CFAP20DC: variants seen among roughly 807,000 people sequenced by gnomAD.
CFAP20DC encodes protein CFAP20DC.
In CFAP20DC, 84 loss-of-function variants were observed where a neutral mutation model predicts 101.7. The observed-to-expected ratio is 0.83, with a 90% CI of 0.69 to 0.99. The LOEUF (loss-of-function observed/expected upper bound fraction) is 0.99. CFAP20DC is among the 50% of genes least tolerant of loss of function. The pLI, the probability that CFAP20DC is intolerant of heterozygous loss-of-function variation, is 0.00. For missense variants in CFAP20DC, 1,007 were observed against 970.3 expected (o/e 1.04, Z -0.50); for synonymous variants, 359 against 351.2 (o/e 1.02, Z -0.25).
intron 6 of CFAP20DC, among the ~76,000 whole-genome samples, chr3:58,890,591 G>A (rs1331495955): frequency 1.3e-5 from 2 of 151,642 alleles, no homozygotes; most frequent in Non-Finnish European, 2.9e-5. Context: ...CCTCCCGGAC[G>A]GGGTGGCTGC....
At chr3:58,886,693 T>C (rs1327612223) in intron 6 of CFAP20DC, among the ~76,000 whole-genome samples, 1 of 150,980 alleles carries the variant, frequency 6.6e-6, no homozygotes, top group African/African-American at 2.4e-5. Flanking sequence ...GCCTGGGAGA[T>C]GGAGAAAGAC....
At chr3:58,743,183 G>A (rs1159513574) in intron 16 of CFAP20DC, among the ~76,000 whole-genome samples, 2 of 151,686 alleles carry the variant, frequency 1.3e-5, no homozygotes, top group African/African-American at 4.8e-5. Context: ...GTTTTCTCTC[G>A]TGACAGCCAT....
chr3:58,779,596 T>A (rs1353255275), intron 15 of CFAP20DC, among the ~76,000 whole-genome samples: 3 of 152,052 alleles, frequency 2.0e-5, no homozygotes, highest in African/African-American at 7.2e-5. Flanking sequence ...ATCAACAGAC[T>A]AGATCGAGCA....
chr3:58,736,220 A>G (rs1001676670), intron 3 of CFAP20DC, among the ~76,000 whole-genome samples: 1 of 152,312 alleles, frequency 6.6e-6, no homozygotes, highest in African/African-American at 2.4e-5. Context: ...AGTAATATCA[A>G]TTTCTTTGGC....
chr3:59,018,798 A>C (rs2093742015), intron 4 of CFAP20DC: 1 of 152,128 alleles, frequency 6.6e-6, no homozygotes, highest in South Asian at 2.1e-4. Flanking sequence ...CATCAATGTT[A>C]AATGGTTTTG....
intron 4 of CFAP20DC, among the ~76,000 whole-genome samples, chr3:58,972,779 T>G (rs1197146589): frequency 6.6e-6 from 1 of 152,166 alleles, no homozygotes; most frequent in Non-Finnish European, 1.5e-5. Flanking sequence ...GCTAAAGTGT[T>G]TACACGAGTT....
At chr3:58,852,833 C>T (rs983183556) in intron 12 of CFAP20DC, among the ~76,000 whole-genome samples, 40 of 150,820 alleles carry the variant, frequency 2.7e-4, no homozygotes, top group African/African-American at 9.3e-4. Flanking sequence ...GCATTCAAAG[C>T]AGTGTGTAGA....
At chr3:58,996,279 A>G (rs2093131080) in intron 4 of CFAP20DC, among the ~76,000 whole-genome samples, 1 of 152,150 alleles carries the variant, frequency 6.6e-6, no homozygotes, top group Non-Finnish European at 1.5e-5. Flanking sequence ...TGGTAGCAAA[A>G]GAGAATGAGG....
At position 58,799,721 on chromosome 3, in the gene CFAP20DC, C is replaced by CTGTG. The variant is rs1431222745; in HGVS notation, c.2237+6670_2237+6673dup. 4.0e-4 allele frequency among the ~76,000 whole-genome samples: 54 copies of CTGTG among 134,652 alleles called. No individual in the cohort carries two copies. Among genetic ancestry groups the CTGTG allele is most frequent in the African/African-American group, 1.5e-3 (49 of 33,106 alleles). 88.3% of individuals were successfully genotyped at this position (134,652 alleles called of 152,430 possible). ...TCGAGAAGGAGCAGTGTGTGTGTGT[C>CTGTG]TGTGTGTGTGTCTGTGTGTGTGTGT... On this transcript the variant is annotated intron_variant, in intron 15 of 16. Transcript: ENST00000482387. This position sits in a 1 kb window ranked among gnomAD's most constrained non-coding sequence, Gnocchi z 4.9.
intron 12 of CFAP20DC, among the ~76,000 whole-genome samples, chr3:58,854,348 A>G (rs1334854488): frequency 8.7e-4 from 131 of 151,378 alleles, no homozygotes; most frequent in African/African-American, 3.1e-3. Context: ...ATACAAACAA[A>G]TGGAAGAACA....
At chr3:58,812,075 G>A (rs2074688765) in intron 14 of CFAP20DC, among the ~76,000 whole-genome samples, 1 of 152,076 alleles carries the variant, frequency 6.6e-6, no homozygotes, top group South Asian at 2.1e-4. Flanking sequence ...GAGAGGATGT[G>A]GAGAAATAGG....
At chr3:58,968,571 T>C (rs1193276826) in intron 4 of CFAP20DC, among the ~76,000 whole-genome samples, 3 of 152,190 alleles carry the variant, frequency 2.0e-5, no homozygotes, top group African/African-American at 7.2e-5. Flanking sequence ...TTTTCTCTTG[T>C]AAATTTGTTT....
At chr3:58,904,161 C>T (rs1045821171) in intron 6 of CFAP20DC, among the ~76,000 whole-genome samples, 7 of 152,024 alleles carry the variant, frequency 4.6e-5, no homozygotes, top group Admixed American at 3.9e-4. Context: ...CTTGCAGGAA[C>T]GTTTTGTAGT....
chr3:58,779,848 T>A (rs921391013), intron 15 of CFAP20DC, among the ~76,000 whole-genome samples: 2 of 152,080 alleles, frequency 1.3e-5, no homozygotes, highest in Non-Finnish European at 1.5e-5. Context: ...GATATCCAGA[T>A]ACAAGTTCAG....
At chr3:58,872,744 T>C (rs921350449) in intron 7 of CFAP20DC, among the ~76,000 whole-genome samples, 2 of 152,156 alleles carry the variant, frequency 1.3e-5, no homozygotes, top group Non-Finnish European at 2.9e-5. Flanking sequence ...ACAAGGGTTA[T>C]CTTTCTCTAA....
At chr3:58,812,496 A>C (rs1032953887) in intron 14 of CFAP20DC, among the ~76,000 whole-genome samples, 1 of 151,720 alleles carries the variant, frequency 6.6e-6, no homozygotes, top group African/African-American at 2.4e-5. Flanking sequence ...ATAGGTGGGA[A>C]ATGAACAATG....
Position 58,862,527 on chromosome 3 carries a change from G to A in CFAP20DC, c.1593+1031C>T, listed in dbSNP as rs548650131. 85 of 985,336 alleles carry A rather than the reference G, an allele frequency of 8.6e-5. 1 individual carries two copies. In the South Asian group the frequency reaches 3.3e-3, roughly 38 times the overall value. The allele number at this position is 985,336 out of a possible 1,614,324, so 61.0% of individuals were successfully genotyped here. On this transcript the variant is annotated intron_variant, in intron 12 of 16. Transcript: ENST00000482387. The stretch of plus-strand genomic sequence containing the variant: ...ATATTGTGAAAAGACGATCCTCTAC[G>A]CGCTTTGCTGAAGAAACTCATTAAA...
At chr3:58,808,344 C>A (rs1214790952) in intron 14 of CFAP20DC, among the ~76,000 whole-genome samples, 3 of 152,172 alleles carry the variant, frequency 2.0e-5, no homozygotes. Flanking sequence ...AAGGGAAGCC[C>A]ATCAGACTAA....
chr3:58,991,153 G>A lies in CFAP20DC; in HGVS notation c.278+48404C>T, dbSNP rs867642051. On this transcript the variant is annotated intron_variant, in intron 4 of 16. Transcript: ENST00000482387. The stretch of plus-strand genomic sequence containing the variant: ...TGAATCAGTATGTCTTTTTTCAAAG[G>A]AAAGCATTTACAATATTTTCTTTCC... 9.9e-5 allele frequency among the ~76,000 whole-genome samples: 15 copies of A among 151,952 alleles called. 1 individual carries two copies. In the East Asian group the frequency reaches 1.3e-3, roughly 14 times the overall value.
Sources: allele counts gnomAD v4.1 joint callset (sites outside exome capture counted in the v4.1 genomes callset), GRCh38; gene constraint gnomAD v4.1.1; non-coding constraint Gnocchi (gnomAD v3.1); transcripts MANE v1.5; gene names NCBI Gene and HGNC (gene_info 2026-07-23, HGNC 2026-07-21).